DACH1: variants seen among roughly 807,000 people sequenced by gnomAD.
DACH1 encodes the protein dachshund family transcription factor 1.
In DACH1, 12 loss-of-function variants were observed where a neutral mutation model predicts 54.2. The ratio of observed to expected loss-of-function variants is 0.22; its 90% CI spans 0.14 to 0.36. The LOEUF is 0.36. DACH1 is among the 10% of genes least tolerant of loss of function. DACH1 has a pLI of 1.00. For synonymous variants in DACH1, 386 were observed against 366.2 expected (o/e 1.05, Z -0.62); for missense variants, 805 against 929.8 (o/e 0.87, Z 1.75).
intron 2 of DACH1, chr13:71,674,942 A>G (rs1048960278): frequency 7.8e-6 from 5 of 638,852 alleles, no homozygotes; most frequent in Non-Finnish European, 1.4e-5. Flanking sequence ...ATATATGAAA[A>G]CACATACAAA....
At chr13:71,621,630 T>C (rs562208364) in intron 3 of DACH1, among the ~76,000 whole-genome samples, 2 of 152,156 alleles carry the variant, frequency 1.3e-5, no homozygotes, top group East Asian at 1.9e-4. Flanking sequence ...TACCACTCAG[T>C]TCTGCTTTTG....
rs533427287 is a variant in DACH1 at position 71,821,429 on chromosome 13, ATTTAAATTTAAATTTAAATTCTAAGAT to A, written c.848+44466_848+44492del. 7.7e-3 allele frequency among the ~76,000 whole-genome samples: 1,005 copies of A among 131,214 alleles called. 6 individuals carry two copies. The highest frequency in any genetic ancestry group is 0.026 in the African/African-American group (928 of 35,624). The allele number at this position is 131,214 out of a possible 152,430, so 86.1% of individuals were successfully genotyped here. A position where few individuals can be genotyped will look rare whatever the true frequency, so the allele number is the denominator to read the frequency against. On this transcript the variant is annotated intron_variant, in intron 1 of 10. Coordinates refer to ENST00000613252, the MANE Select transcript of DACH1 (RefSeq NM_080759.6). ...CAGCTTGATTATTCTAAGATTTTAA[ATTTAAATTTAAATTTAAATTCTAAGAT>A]TTTAAATTTAAATTTAAATTCTAAG...
At chr13:71,545,710 A>G (rs1469944577) in intron 6 of DACH1, among the ~76,000 whole-genome samples, 1 of 152,080 alleles carries the variant, frequency 6.6e-6, no homozygotes, top group Non-Finnish European at 1.5e-5. Flanking sequence ...AAAATAATTC[A>G]TTTGTGCTGT....
At chr13:71,693,469 A>ATTTTTTTT (rs748598587) in intron 1 of DACH1, among the ~76,000 whole-genome samples, 8 of 119,292 alleles carry the variant, frequency 6.7e-5, no homozygotes, top group African/African-American at 2.1e-4. Context: ...CGCCCGGCAA[A>ATTTTTTTT]TTTTTTTTTT....
intron 2 of DACH1, among the ~76,000 whole-genome samples, chr13:71,634,075 CTCT>C (rs760751989): frequency 6.6e-6 from 1 of 151,724 alleles, no homozygotes; most frequent in East Asian, 1.9e-4. Context: ...AGGGTTCAAG[CTCT>C]TCTTCTGTCT....
chr13:71,725,565 T>C (rs1883431914), intron 1 of DACH1, among the ~76,000 whole-genome samples: 1 of 152,080 alleles, frequency 6.6e-6, no homozygotes, highest in African/African-American at 2.4e-5. Context: ...ATCTTAAAAT[T>C]TGTTTTGTCT....
intron 1 of DACH1, among the ~76,000 whole-genome samples, chr13:71,773,117 G>A (rs898771149): frequency 1.3e-5 from 2 of 151,724 alleles, no homozygotes; most frequent in Non-Finnish European, 1.5e-5. Flanking sequence ...TAGATACTAT[G>A]TAATTCTTGC....
At chr13:71,567,441 C>CAA (rs563083543) in intron 4 of DACH1, among the ~76,000 whole-genome samples, 1 of 148,648 alleles carries the variant, frequency 6.7e-6, no homozygotes, top group Non-Finnish European at 1.5e-5. Flanking sequence ...ATGAGCAGAA[C>CAA]AAAAAAAAAT....
chr13:71,590,743 A>C (rs931712859), intron 3 of DACH1, among the ~76,000 whole-genome samples: 1 of 152,164 alleles, frequency 6.6e-6, no homozygotes, highest in African/African-American at 2.4e-5. Context: ...AAAAATCAAC[A>C]GAGATTTTGA....
chr13:71,484,790 G>A (rs1200930042), intron 7 of DACH1, among the ~76,000 whole-genome samples: 1 of 152,098 alleles, frequency 6.6e-6, no homozygotes, highest in African/African-American at 2.4e-5. Context: ...GAGTAGGCCC[G>A]GGCGCGGTGG....
intron 6 of DACH1, among the ~76,000 whole-genome samples, chr13:71,543,498 G>T (rs1883269046): frequency 6.6e-6 from 1 of 152,036 alleles, no homozygotes; most frequent in Non-Finnish European, 1.5e-5. Context: ...CTATTACTAT[G>T]ATTAAAGAGA....
At chr13:71,536,753 A>T (rs950580979) in intron 6 of DACH1, among the ~76,000 whole-genome samples, 1 of 152,036 alleles carries the variant, frequency 6.6e-6, no homozygotes, top group African/African-American at 2.4e-5. Context: ...GCAAACCTCA[A>T]TGTAGGAGAC....
At chr13:71,819,039 T>C (rs1888083827) in intron 1 of DACH1, among the ~76,000 whole-genome samples, 1 of 151,976 alleles carries the variant, frequency 6.6e-6, no homozygotes, top group Admixed American at 6.5e-5. Flanking sequence ...AGAATTGAAG[T>C]AAACCAATAA....
At chr13:71,674,480 C>T (rs1393533663) in intron 2 of DACH1, among the ~76,000 whole-genome samples, 1 of 119,096 alleles carries the variant, frequency 8.4e-6, no homozygotes, top group Non-Finnish European at 1.9e-5. Context: ...CACACACACA[C>T]ACACGAAGGC....
chr13:71,462,654 T>C (rs2138142540), intron 10 of DACH1, among the ~76,000 whole-genome samples: 1 of 152,098 alleles, frequency 6.6e-6, no homozygotes, highest in African/African-American at 2.4e-5. Context: ...ACTCGGCCTC[T>C]ACCAGTTACT....
intron 2 of DACH1, among the ~76,000 whole-genome samples, chr13:71,653,412 T>C (rs17088368): frequency 0.023 from 3,479 of 152,324 alleles, 74 homozygotes; most frequent in East Asian, 0.11. Flanking sequence ...GCTCCAGTGC[T>C]GCTCCCTGAT....
chr13:71,710,437 T>C lies in DACH1; in HGVS notation c.849-28527A>G, dbSNP rs115958585. Among the ~76,000 whole-genome samples the C allele has an allele frequency of 6.3e-3, 925 of 147,692 alleles. 12 individuals carry two copies. The highest frequency in any genetic ancestry group is 0.022 in the African/African-American group (871 of 39,900). Reference sequence around the variant, plus strand: ...ATTTTATGGGGCCTGAAAGTGAGGTTCAAATATGAGGGTTTTGTGTGTGTG... The same window carrying C: ...ATTTTATGGGGCCTGAAAGTGAGGTCCAAATATGAGGGTTTTGTGTGTGTG... On this transcript the variant is annotated intron_variant, in intron 1 of 10. Coordinates refer to ENST00000613252, the MANE Select transcript of DACH1 (RefSeq NM_080759.6).
At chr13:71,775,408 T>C (rs1886027114) in intron 1 of DACH1, among the ~76,000 whole-genome samples, 1 of 152,060 alleles carries the variant, frequency 6.6e-6, no homozygotes. Flanking sequence ...AAGGCTGTGA[T>C]ATAAATTTTT....
At chr13:71,677,783 G>C (rs144845527) in intron 2 of DACH1, among the ~76,000 whole-genome samples, 1 of 151,954 alleles carries the variant, frequency 6.6e-6, no homozygotes. Flanking sequence ...GCAGTGGTGC[G>C]ATCTCGGCTC....
Sources: gnomAD v4.1 joint callset for allele counts (sites outside exome capture counted in the v4.1 genomes callset) on GRCh38, gnomAD v4.1.1 for gene constraint, MANE v1.5 for transcripts, NCBI Gene and HGNC (gene_info 2026-07-23, HGNC 2026-07-21) for gene names.